Variants in TSGA10 observed in about 807,000 individuals in gnomAD.
TSGA10 encodes testis-specific gene 10 protein.
In TSGA10, 43 loss-of-function variants were observed where a neutral mutation model predicts 96.6. That is an observed-to-expected ratio of 0.44 (90% CI 0.35 to 0.57). The LOEUF is 0.57. TSGA10 is among the 20% of genes least tolerant of loss of function. The pLI, the probability that TSGA10 is intolerant of heterozygous loss-of-function variation, is 0.01. For missense variants in TSGA10, 703 were observed against 834.4 expected, an observed-to-expected ratio of 0.84 and a Z score of 1.94; for synonymous variants, 229 against 269.9, an observed-to-expected ratio of 0.85 and a Z score of 1.48.
chr2:99,089,699 C>A (rs1013910150), intron 10 of TSGA10, among the ~76,000 whole-genome samples: 4 of 152,216 alleles, frequency 2.6e-5, no homozygotes, highest in Admixed American at 2.6e-4. Flanking sequence ...CTCCTGGGAG[C>A]ATAACTCCCT....
intron 4 of TSGA10, among the ~76,000 whole-genome samples, chr2:99,113,287 G>C (rs1298106211): frequency 6.6e-6 from 1 of 152,120 alleles, no homozygotes; most frequent in African/African-American, 2.4e-5. Flanking sequence ...GAATATGGAG[G>C]AAGTGATGAG....
intron 1 of TSGA10, among the ~76,000 whole-genome samples, chr2:99,130,140 T>C (rs910663865): frequency 1.3e-5 from 2 of 152,238 alleles, no homozygotes; most frequent in African/African-American, 2.4e-5. Flanking sequence ...CCTTTGGGTA[T>C]ATACCCAGTA....
chr2:99,029,620 T>C (rs1437260830), intron 17 of TSGA10, among the ~76,000 whole-genome samples: 4 of 152,212 alleles, frequency 2.6e-5, no homozygotes, highest in Non-Finnish European at 5.9e-5. Flanking sequence ...TGATCTATCA[T>C]ATTAATAGGC....
intron 18 of TSGA10, 48 bp from the exon 19 acceptor site, chr2:99,018,688 GCT>G: frequency 6.7e-7 from 1 of 1,497,080 alleles, no homozygotes; most frequent in Non-Finnish European, 9.1e-7. Context: ...TTAAAATATG[GCT>G]ATGATTCTGG....
intron 16 of TSGA10, among the ~76,000 whole-genome samples, chr2:99,061,950 T>C (rs1200692731): frequency 6.6e-6 from 1 of 152,212 alleles, no homozygotes; most frequent in Non-Finnish European, 1.5e-5. Flanking sequence ...TGTGAGAATG[T>C]AGCAAGAAGG....
At chr2:99,146,778 G>A (rs1432085774) in intron 1 of TSGA10, among the ~76,000 whole-genome samples, 1 of 152,038 alleles carries the variant, frequency 6.6e-6, no homozygotes, top group East Asian at 1.9e-4. Context: ...ACAGGCACCC[G>A]CCACCACACC....
intron 20 of TSGA10, among the ~76,000 whole-genome samples, chr2:99,012,878 T>C (rs1304336940): frequency 6.6e-6 from 1 of 152,172 alleles, no homozygotes; most frequent in South Asian, 2.1e-4. Context: ...GAATATAAAT[T>C]CTTTTCTTCA....
intron 9 of TSGA10, among the ~76,000 whole-genome samples, chr2:99,105,049 C>A (rs1408507729): frequency 6.6e-6 from 1 of 152,106 alleles, no homozygotes; most frequent in Non-Finnish European, 1.5e-5. Context: ...TTCTTTACAT[C>A]TGGCAATATT....
At chr2:99,110,970 A>G (rs1045547515) in intron 4 of TSGA10, 55 bp from the exon 5 acceptor site, 2 of 475,058 alleles carry the variant, frequency 4.2e-6, no homozygotes, top group African/African-American at 2.1e-5. Flanking sequence ...GTTTAAACTA[A>G]TTGGAAAAAG....
chr2:99,115,835 C>T (rs908125977), intron 4 of TSGA10, among the ~76,000 whole-genome samples: 6 of 152,160 alleles, frequency 3.9e-5, no homozygotes, highest in East Asian at 3.9e-4. Context: ...GCCGAGATCG[C>T]GCCACTGCAC....
At chr2:99,068,690 T>G (rs1345319423) in intron 15 of TSGA10, among the ~76,000 whole-genome samples, 198 bp downstream of exon 15, 1 of 152,082 alleles carries the variant, frequency 6.6e-6, no homozygotes, top group Non-Finnish European at 1.5e-5. Context: ...GTGGCAGAGT[T>G]GCAAAACAAA....
At chr2:99,082,459 GGCC>G in intron 10 of TSGA10, among the ~76,000 whole-genome samples, 1 of 152,178 alleles carries the variant, frequency 6.6e-6, no homozygotes, top group South Asian at 2.1e-4. Flanking sequence ...CCGTCTCTTT[GGCC>G]GCCGGCTTAA....
intron 10 of TSGA10, among the ~76,000 whole-genome samples, chr2:99,084,020 G>T: frequency 6.6e-6 from 1 of 152,144 alleles, no homozygotes; most frequent in East Asian, 1.9e-4. Flanking sequence ...GGGAAAGTGG[G>T]TGACGGGAAT....
chr2:99,095,119 C>A (rs1201165136), intron 10 of TSGA10, among the ~76,000 whole-genome samples: 1 of 152,018 alleles, frequency 6.6e-6, no homozygotes, highest in African/African-American at 2.4e-5. Flanking sequence ...GAACTGGAGA[C>A]CATTATTCTA....
chr2:99,053,681 C>T (rs1331579395), intron 16 of TSGA10, among the ~76,000 whole-genome samples: 3 of 152,018 alleles, frequency 2.0e-5, no homozygotes, highest in African/African-American at 4.8e-5. Context: ...TGGTGAAAAG[C>T]TCCAACAAAA....
intron 1 of TSGA10, among the ~76,000 whole-genome samples, chr2:99,144,921 GAGAC>G (rs1204617502): frequency 6.6e-6 from 1 of 152,210 alleles, no homozygotes; most frequent in African/African-American, 2.4e-5. Flanking sequence ...ATAAGGCAAA[GAGAC>G]AGGAGAGAGT....
intron 10 of TSGA10, among the ~76,000 whole-genome samples, chr2:99,094,201 T>C (rs560113963): frequency 1.3e-5 from 2 of 152,104 alleles, no homozygotes. Flanking sequence ...GCAAGCCACA[T>C]GTAGAAGAAT....
chr2:99,122,061 A>G (rs991103785), intron 2 of TSGA10, among the ~76,000 whole-genome samples: 6 of 152,156 alleles, frequency 3.9e-5, no homozygotes, highest in African/African-American at 1.4e-4. Context: ...CTCTGTCAAA[A>G]AATCGTTTGG....
chr2:99,115,376 C>A (rs939317134), intron 4 of TSGA10, among the ~76,000 whole-genome samples: 1 of 151,996 alleles, frequency 6.6e-6, no homozygotes, highest in Admixed American at 6.5e-5. Flanking sequence ...AGTAACAATA[C>A]AAACAAAAGT....
Sources: gnomAD v4.1 joint callset for allele counts (sites outside exome capture counted in the v4.1 genomes callset) on GRCh38, gnomAD v4.1.1 for gene constraint, MANE v1.5 for transcripts, NCBI Gene and HGNC (gene_info 2026-07-23, HGNC 2026-07-21) for gene names.